NSD2: variants seen among roughly 807,000 people sequenced by gnomAD.
NSD2 encodes histone-lysine N-methyltransferase NSD2.
A neutral mutation model predicts 139.0 loss-of-function variants in NSD2; 12 were observed. The ratio of observed to expected loss-of-function variants is 0.09; its 90% CI spans 0.06 to 0.14. The LOEUF (loss-of-function observed/expected upper bound fraction) is 0.14. Ranked by LOEUF, NSD2 falls within the 10% of genes least tolerant of loss-of-function variation. The probability of loss-of-function intolerance (pLI) is 1.00; values close to 1 mark genes in which losing one functional copy is unlikely to be tolerated. For missense variants in NSD2, 1,155 were observed against 1,745.0 expected, an observed-to-expected ratio of 0.66 and a Z score of 6.02; for synonymous variants, 669 against 648.7, an observed-to-expected ratio of 1.03 and a Z score of -0.48.
intron 5 of NSD2, among the ~76,000 whole-genome samples, chr4:1,929,051 G>A (rs1002196753): frequency 6.6e-6 from 1 of 152,140 alleles, no homozygotes; most frequent in Admixed American, 6.5e-5. Context: ...ACTGCAGAAG[G>A]TGTCCTCAAG....
At chr4:1,918,801 A>G in intron 5 of NSD2, 178 bp downstream of exon 5, 1 of 849,818 alleles carries the variant, frequency 1.2e-6, no homozygotes, top group Admixed American at 3.0e-5. Flanking sequence ...GGGAAAAGAT[A>G]CTCGACTTGC....
intron 1 of NSD2, among the ~76,000 whole-genome samples, chr4:1,880,284 C>A (rs1714606265): frequency 6.6e-6 from 1 of 152,124 alleles, no homozygotes. Context: ...TCCAAAGTCA[C>A]AAGGCTGTAT....
intron 1 of NSD2, among the ~76,000 whole-genome samples, chr4:1,896,302 G>A (rs1716291135): frequency 6.6e-6 from 1 of 152,246 alleles, no homozygotes; most frequent in Non-Finnish European, 1.5e-5. Context: ...CCTGCCATGG[G>A]CAGCCTGCAG....
intron 3 of NSD2, among the ~76,000 whole-genome samples, chr4:1,909,462 G>T (rs1378318157): frequency 6.6e-6 from 1 of 152,090 alleles, no homozygotes; most frequent in Non-Finnish European, 1.5e-5. Context: ...GTCCATTTTT[G>T]ATTCTCCAAC....
At chr4:1,883,069 A>C (rs1714819699) in intron 1 of NSD2, among the ~76,000 whole-genome samples, 1 of 151,890 alleles carries the variant, frequency 6.6e-6, no homozygotes, top group Non-Finnish European at 1.5e-5. Flanking sequence ...TAAAATTGAT[A>C]AGTTGTGTTG....
At chr4:1,945,253 G>A (rs1397436590) in intron 9 of NSD2, 5 of 1,066,854 alleles carry the variant, frequency 4.7e-6, no homozygotes, top group African/African-American at 1.6e-5. Flanking sequence ...TGGGCATTTG[G>A]AGAGTCTCAT....
In NSD2 at chr4:1,952,197, A is replaced by T. The variant is rs753820897; in HGVS notation, c.2103A>T (p.Pro701=). 8 of 1,613,980 alleles carry T rather than the reference A, an allele frequency of 5.0e-6. No homozygotes were observed. Among genetic ancestry groups the T allele is most frequent in the Non-Finnish European group, 6.8e-6 (8 of 1,180,002 alleles). Residue 701 remains proline, a synonymous_variant, in exon 11 of 22, where the codon CCA becomes CCT. Coordinates refer to ENST00000508803, the MANE Select transcript of NSD2 (RefSeq NM_001042424.3). ...HLACLGLSRR[P]EGRFTCSECA... ...CCTGCCTTGGGCTTTCCCGGAGGCC[A>T]GAAGGGAGGTTCACCTGCAGCGAGT... is the stretch of plus-strand genomic sequence containing the variant.
chr4:1,874,681 C>T (rs1251579580), intron 1 of NSD2, among the ~76,000 whole-genome samples: 1 of 151,970 alleles, frequency 6.6e-6, no homozygotes, highest in Non-Finnish European at 1.5e-5. Flanking sequence ...TATATAAGTC[C>T]AACAAGTAGT....
chr4:1,887,560 C>T (rs1443688668), intron 1 of NSD2: 4 of 152,350 alleles, frequency 2.6e-5, no homozygotes, highest in Non-Finnish European at 5.9e-5. Flanking sequence ...ACTGTAGCCT[C>T]CAACTCCTGG....
At chr4:1,891,876 A>AAAAAACAAAC (rs1158563407) in intron 1 of NSD2, among the ~76,000 whole-genome samples, 3 of 151,312 alleles carry the variant, frequency 2.0e-5, no homozygotes, top group East Asian at 3.9e-4. Context: ...AAAAAACAAA[A>AAAAAACAAAC]AAAAACAAAC....
intron 1 of NSD2, among the ~76,000 whole-genome samples, chr4:1,899,798 T>A (rs1716918803): frequency 6.6e-6 from 1 of 152,200 alleles, no homozygotes; most frequent in Admixed American, 6.5e-5. Flanking sequence ...CACTGGCCAG[T>A]GTGGTGCACT....
intron 3 of NSD2, among the ~76,000 whole-genome samples, chr4:1,914,006 C>G (rs1719029702): frequency 6.6e-6 from 1 of 152,040 alleles, no homozygotes; most frequent in African/African-American, 2.4e-5. Context: ...AAATTTGAGT[C>G]CTTGCAGTTC....
intron 9 of NSD2, chr4:1,944,491 C>T: frequency 9.4e-7 from 1 of 1,065,688 alleles, no homozygotes; most frequent in African/African-American, 1.6e-5. Context: ...CCATTTGACT[C>T]ACTTCAGACC....
chr4:1,881,221 C>T (rs779371197), intron 1 of NSD2, among the ~76,000 whole-genome samples: 31 of 152,076 alleles, frequency 2.0e-4, no homozygotes, highest in South Asian at 6.2e-4. Flanking sequence ...GGGACACAGG[C>T]GTGTGCCACT....
In NSD2 at chr4:1,904,483, A is replaced by G. The variant is rs1717623910; in HGVS notation, c.760+105A>G. The stretch of plus-strand genomic sequence containing the variant: ...TTTCTAAATAGCCCTGCTATGGTTC[A>G]TTTTTGCAGCTTTACCTAAAGTTAG... On this transcript the variant is annotated intron_variant, in intron 3 of 21. Transcript: ENST00000508803. 3 of 1,284,724 alleles carry G rather than the reference A, an allele frequency of 2.3e-6. No homozygotes were observed. The Admixed American group carries it at 7.8e-5, about 33-fold the overall frequency. 79.6% of individuals were successfully genotyped at this position (1,284,724 alleles called of 1,614,324 possible). A position where few individuals can be genotyped will look rare whatever the true frequency, so the allele number is the denominator to read the frequency against.
chr4:1,952,613 A>G, intron 11 of NSD2: 1 of 779,748 alleles, frequency 1.3e-6, no homozygotes, highest in Non-Finnish European at 1.6e-6. Context: ...TTGGTCACCG[A>G]ACACTGAAGT....
intron 21 of NSD2, 151 bp from the exon 22 acceptor site, chr4:1,978,487 G>A: frequency 8.8e-7 from 1 of 1,142,854 alleles, no homozygotes; most frequent in East Asian, 2.7e-5. Context: ...CCCGGGCTGT[G>A]GTAGACAGTT....
At chr4:1,961,471 GT>G (rs1725362118) in intron 18 of NSD2, among the ~76,000 whole-genome samples, 1 of 152,090 alleles carries the variant, frequency 6.6e-6, no homozygotes, top group African/African-American at 2.4e-5. Context: ...ATCTTCTTTT[GT>G]TTTTAAAAAG....
chr4:1,977,170 A>G (rs979197847), intron 21 of NSD2, among the ~76,000 whole-genome samples: 7 of 152,266 alleles, frequency 4.6e-5, no homozygotes, highest in African/African-American at 1.7e-4. Flanking sequence ...GCTGTGCACC[A>G]GGAGGCTCCG....
Sources: gnomAD v4.1 joint callset for allele counts (sites outside exome capture counted in the v4.1 genomes callset) on GRCh38, gnomAD v4.1.1 for gene constraint, MANE v1.5 for transcripts, NCBI Gene and HGNC (gene_info 2026-07-23, HGNC 2026-07-21) for gene names.